FSTL4: variants seen among roughly 807,000 people sequenced by gnomAD.
FSTL4 encodes the protein follistatin-related protein 4.
A neutral mutation model predicts 78.2 loss-of-function variants in FSTL4; 28 were observed. The ratio of observed to expected loss-of-function variants is 0.36; its 90% confidence interval spans 0.27 to 0.49. FSTL4 has a LOEUF of 0.49. Among genes scored for constraint, FSTL4 ranks in the 20% least tolerant of loss-of-function variants. FSTL4 has a pLI of 0.98. For missense variants in FSTL4, 922 were observed against 1,084.9 expected, an observed-to-expected ratio of 0.85 and a Z score of 2.11; for synonymous variants, 422 against 440.5, an observed-to-expected ratio of 0.96 and a Z score of 0.53.
At chr5:133,201,383 T>C (rs996807245) in intron 15 of FSTL4, among the ~76,000 whole-genome samples, 2 of 152,210 alleles carry the variant, frequency 1.3e-5, no homozygotes, top group Admixed American at 6.5e-5. Context: ...CTTGTCTCGT[T>C]GTGGGCTCCC....
chr5:133,318,083 G>A (rs533491259), intron 4 of FSTL4, among the ~76,000 whole-genome samples: 2 of 152,116 alleles, frequency 1.3e-5, no homozygotes, highest in African/African-American at 4.8e-5. Context: ...ATTTCTGTCA[G>A]AAACAGATGC....
At chr5:133,218,841 C>T (rs761680441) in intron 12 of FSTL4, among the ~76,000 whole-genome samples, 7 of 152,190 alleles carry the variant, frequency 4.6e-5, no homozygotes, top group Non-Finnish European at 1.0e-4. Context: ...ATTCATTTGT[C>T]TACCTGGGCA....
At chr5:133,643,164 A>G in the FSTL4 span, among the ~76,000 whole-genome samples, 28,616 of 152,224 alleles carry the variant, frequency 0.19, 3,401 homozygotes, top group East Asian at 0.25. Flanking sequence ...GCTTTAAAGC[A>G]TACGTATATG....
the FSTL4 span, among the ~76,000 whole-genome samples, chr5:133,706,467 A>G: frequency 2.6e-5 from 4 of 152,190 alleles, no homozygotes; most frequent in Admixed American, 2.6e-4. Flanking sequence ...CAATTTTTTC[A>G]AGGAGTAAAA....
intron 4 of FSTL4, among the ~76,000 whole-genome samples, chr5:133,369,260 A>T (rs1755239721): frequency 6.6e-6 from 1 of 152,244 alleles, no homozygotes; most frequent in African/African-American, 2.4e-5. Flanking sequence ...ATGCCTCTTA[A>T]TAAAACAAAA....
chr5:133,700,874 G>A, the FSTL4 span, among the ~76,000 whole-genome samples: 2 of 152,218 alleles, frequency 1.3e-5, no homozygotes, highest in African/African-American at 4.8e-5. Flanking sequence ...CCTTCATTTG[G>A]AAGTTCCATA....
intron 7 of FSTL4, among the ~76,000 whole-genome samples, chr5:133,242,696 C>T (rs1751915485): frequency 6.6e-6 from 1 of 152,202 alleles, no homozygotes; most frequent in African/African-American, 2.4e-5. Context: ...CTGGACACTA[C>T]TCCCAATGGT....
intron 3 of FSTL4, among the ~76,000 whole-genome samples, chr5:133,495,226 G>A (rs1011279363): frequency 1.3e-5 from 2 of 152,122 alleles, no homozygotes; most frequent in Admixed American, 6.5e-5. Context: ...GCCAAAACTC[G>A]ACCAGGCCTC....
chr5:133,373,034 A>T (rs1755349798), intron 4 of FSTL4, among the ~76,000 whole-genome samples: 2 of 152,182 alleles, frequency 1.3e-5, no homozygotes, highest in Non-Finnish European at 2.9e-5. Flanking sequence ...GGGGAGCCTC[A>T]TGAATGGGAT....
At chr5:133,299,147 T>A (rs970702708) in intron 6 of FSTL4, among the ~76,000 whole-genome samples, 2 of 152,204 alleles carry the variant, frequency 1.3e-5, no homozygotes, top group Non-Finnish European at 2.9e-5. Flanking sequence ...TGGCCAGGGC[T>A]GCTTACAGAG....
intron 3 of FSTL4, among the ~76,000 whole-genome samples, chr5:133,401,287 GTTCT>G (rs1427859493): frequency 1.3e-5 from 2 of 152,142 alleles, no homozygotes; most frequent in African/African-American, 2.4e-5. Flanking sequence ...TCAACTCTTG[GTTCT>G]TTCTTAGGCT....
the FSTL4 span, among the ~76,000 whole-genome samples, chr5:133,698,539 G>A: frequency 1.3e-5 from 2 of 152,234 alleles, no homozygotes; most frequent in African/African-American, 2.4e-5. Context: ...ATGCGATAAT[G>A]CATGATGATT....
At chr5:133,703,047 G>A in the FSTL4 span, among the ~76,000 whole-genome samples, 12 of 152,230 alleles carry the variant, frequency 7.9e-5, no homozygotes, top group African/African-American at 2.4e-5. Flanking sequence ...CACCTACTGT[G>A]GGGAGCACAA....
intron 2 of FSTL4, among the ~76,000 whole-genome samples, chr5:133,578,273 T>C (rs1259697760): frequency 2.0e-5 from 3 of 152,274 alleles, no homozygotes; most frequent in Non-Finnish European, 4.4e-5. Context: ...ATTATGCCCA[T>C]GAGGGCAAAG....
At chr5:133,206,706 C>T (rs1750517666) in intron 14 of FSTL4, among the ~76,000 whole-genome samples, 2 of 151,878 alleles carry the variant, frequency 1.3e-5, no homozygotes, top group Non-Finnish European at 2.9e-5. Flanking sequence ...AATAAAATTC[C>T]CTTTCTCATT....
intron 6 of FSTL4, among the ~76,000 whole-genome samples, chr5:133,297,532 G>A (rs185100230): frequency 6.6e-6 from 1 of 152,280 alleles, no homozygotes; most frequent in African/African-American, 2.4e-5. Flanking sequence ...AATGAGACAC[G>A]TGGTATCTTT....
At chr5:133,307,618 A>G (rs775462751) in intron 6 of FSTL4, among the ~76,000 whole-genome samples, 6 of 152,104 alleles carry the variant, frequency 3.9e-5, no homozygotes, top group Non-Finnish European at 5.9e-5. Context: ...AAGTCATTCA[A>G]ATGGAACACT....
At chr5:133,647,949 A>G in the FSTL4 span, among the ~76,000 whole-genome samples, 4 of 152,126 alleles carry the variant, frequency 2.6e-5, no homozygotes, top group Non-Finnish European at 5.9e-5. Flanking sequence ...TGCTGTTCTC[A>G]TGATAGTCAA....
intron 4 of FSTL4, among the ~76,000 whole-genome samples, chr5:133,393,120 GC>G (rs1755896125): frequency 6.6e-6 from 1 of 152,210 alleles, no homozygotes; most frequent in Non-Finnish European, 1.5e-5. Flanking sequence ...TCCCAGGGAT[GC>G]TGGACTACGG....
Sources: allele counts gnomAD v4.1 joint callset (sites outside exome capture counted in the v4.1 genomes callset), GRCh38; gene constraint gnomAD v4.1.1; transcripts MANE v1.5; gene names NCBI Gene and HGNC (gene_info 2026-07-23, HGNC 2026-07-21).